CCSER1: variants seen among roughly 807,000 people sequenced by gnomAD.
The protein encoded by CCSER1 is serine-rich coiled-coil domain-containing protein 1.
Under a neutral mutation model 82.0 loss-of-function variants are expected in CCSER1, and 41 were observed. That is an observed-to-expected ratio of 0.50 (90% CI 0.39 to 0.65). The LOEUF (loss-of-function observed/expected upper bound fraction) is 0.65, where lower values mean the gene tolerates loss of function less well. Ranked by LOEUF, CCSER1 falls within the 30% of genes least tolerant of loss-of-function variation. The probability of loss-of-function intolerance (pLI) is 0.00; values close to 1 mark genes in which losing one functional copy is unlikely to be tolerated. For synonymous variants in CCSER1, 414 were observed against 383.9 expected (o/e 1.08, Z -0.92); for missense variants, 1,119 against 1,064.2 (o/e 1.05, Z -0.72).
intron 4 of CCSER1, among the ~76,000 whole-genome samples, chr4:90,437,972 G>C (rs1043388536): frequency 2.6e-5 from 4 of 151,946 alleles, no homozygotes; most frequent in African/African-American, 9.7e-5. Flanking sequence ...TAAAGTGCTG[G>C]GTTTACCACT....
At chr4:90,835,914 T>G (rs979053453) in intron 8 of CCSER1, among the ~76,000 whole-genome samples, 1 of 152,218 alleles carries the variant, frequency 6.6e-6, no homozygotes, top group Non-Finnish European at 1.5e-5. Flanking sequence ...TGTTTGCTCA[T>G]TTCCAGTGAC....
At chr4:91,313,181 A>C (rs2149255717) in intron 10 of CCSER1, among the ~76,000 whole-genome samples, 1 of 152,056 alleles carries the variant, frequency 6.6e-6, no homozygotes, top group Admixed American at 6.6e-5. Context: ...TTAAGTACTT[A>C]AACATATTTT....
At chr4:91,310,112 G>C (rs1405951090) in intron 10 of CCSER1, among the ~76,000 whole-genome samples, 1 of 151,874 alleles carries the variant, frequency 6.6e-6, no homozygotes, top group African/African-American at 2.4e-5. Context: ...AGTCATATTA[G>C]AGCCCACCTG....
At chr4:91,238,396 G>A (rs1285388315) in intron 10 of CCSER1, among the ~76,000 whole-genome samples, 1 of 152,148 alleles carries the variant, frequency 6.6e-6, no homozygotes, top group Non-Finnish European at 1.5e-5. Context: ...AAGACATGAG[G>A]ATGTAAATGC....
At chr4:90,136,703 A>G (rs1200446223) in intron 1 of CCSER1, among the ~76,000 whole-genome samples, 1 of 152,210 alleles carries the variant, frequency 6.6e-6, no homozygotes, top group African/African-American at 2.4e-5. Context: ...TTGTCTGTTT[A>G]GTTTTGTTTA....
At chr4:91,084,098 T>C (rs1723109961) in intron 9 of CCSER1, among the ~76,000 whole-genome samples, 1 of 151,918 alleles carries the variant, frequency 6.6e-6, no homozygotes, top group Non-Finnish European at 1.5e-5. Flanking sequence ...ACCCAGCTAA[T>C]TTTTTTGTAT....
intron 9 of CCSER1, among the ~76,000 whole-genome samples, chr4:91,074,290 G>C (rs1230283291): frequency 6.6e-6 from 1 of 152,050 alleles, no homozygotes. Context: ...AATGGTGCTT[G>C]GTACATAGAG....
intron 5 of CCSER1, among the ~76,000 whole-genome samples, chr4:90,567,997 A>AT (rs780050317): frequency 6.6e-6 from 1 of 152,082 alleles, no homozygotes; most frequent in Non-Finnish European, 1.5e-5. Flanking sequence ...GTATTTGTGA[A>AT]TTTTTTGAAG....
intron 10 of CCSER1, among the ~76,000 whole-genome samples, chr4:91,361,717 T>A (rs962730722): frequency 3.3e-5 from 5 of 151,800 alleles, no homozygotes; most frequent in Non-Finnish European, 1.5e-5. Flanking sequence ...TTTGAAGACA[T>A]GTCTTTGAGA....
At chr4:90,616,337 A>T (rs929279584) in intron 5 of CCSER1, among the ~76,000 whole-genome samples, 1 of 152,058 alleles carries the variant, frequency 6.6e-6, no homozygotes, top group African/African-American at 2.4e-5. Context: ...TTTTTGGTTA[A>T]AATTTCCAGT....
chr4:91,039,465 T>C (rs1741735656), intron 9 of CCSER1, among the ~76,000 whole-genome samples: 1 of 152,164 alleles, frequency 6.6e-6, no homozygotes, highest in Non-Finnish European at 1.5e-5. Flanking sequence ...CAGTAAATTA[T>C]GGCTATCTTT....
intron 9 of CCSER1, among the ~76,000 whole-genome samples, chr4:90,957,069 G>A (rs11097284): frequency 0.28 from 39,570 of 141,900 alleles, 6,626 homozygotes; most frequent in East Asian, 0.39. Flanking sequence ...TGAATCAGCA[G>A]CAGATCCAGC....
chr4:91,259,638 G>A (rs1190899730), intron 10 of CCSER1, among the ~76,000 whole-genome samples: 2 of 137,470 alleles, frequency 1.5e-5, no homozygotes, highest in Non-Finnish European at 3.0e-5. Flanking sequence ...TCCCCTCCCT[G>A]TGTCCATGTG....
chr4:90,897,711 G>A (rs749540426), intron 8 of CCSER1, among the ~76,000 whole-genome samples: 12 of 151,978 alleles, frequency 7.9e-5, no homozygotes, highest in Admixed American at 4.6e-4. Context: ...ACCATTTTCC[G>A]TAGGAGTTGA....
At chr4:90,615,438 T>C (rs1182564091) in intron 5 of CCSER1, among the ~76,000 whole-genome samples, 2 of 152,152 alleles carry the variant, frequency 1.3e-5, no homozygotes, top group African/African-American at 4.8e-5. Flanking sequence ...ATTAAGAACA[T>C]TTGTAATTCA....
intron 10 of CCSER1, among the ~76,000 whole-genome samples, chr4:91,214,898 A>G (rs1737123535): frequency 6.6e-6 from 1 of 152,104 alleles, no homozygotes; most frequent in Non-Finnish European, 1.5e-5. Flanking sequence ...GTTAACTGGA[A>G]CTCCATATGT....
At chr4:90,338,641 T>G (rs1403764802) in intron 3 of CCSER1, among the ~76,000 whole-genome samples, 4 of 152,230 alleles carry the variant, frequency 2.6e-5, no homozygotes, top group African/African-American at 9.6e-5. Flanking sequence ...ATTGACTGCT[T>G]TCTAGCTCTG....
At chr4:91,510,578 C>T (rs7677659) in intron 10 of CCSER1, among the ~76,000 whole-genome samples, 77,497 of 151,892 alleles carry the variant, frequency 0.51, 20,005 homozygotes, top group East Asian at 0.57. Context: ...TCTCTGATGA[C>T]GAGTGATGTT....
At chr4:91,077,596 T>C (rs1248014418) in intron 9 of CCSER1, among the ~76,000 whole-genome samples, 1 of 152,136 alleles carries the variant, frequency 6.6e-6, no homozygotes, top group African/African-American at 2.4e-5. Flanking sequence ...CAGGTTCATC[T>C]CACTGGGGCT....
Sources: gnomAD v4.1 joint callset for allele counts (sites outside exome capture counted in the v4.1 genomes callset) on GRCh38, gnomAD v4.1.1 for gene constraint, MANE v1.5 for transcripts, NCBI Gene and HGNC (gene_info 2026-07-23, HGNC 2026-07-21) for gene names.